Variants in NR6A1 observed in about 807,000 individuals in gnomAD.
The protein encoded by NR6A1 is retinoic acid receptor-related testis-associated receptor.
NR6A1 carries 7 observed loss-of-function variants against 59.1 expected under a neutral mutation model. The observed-to-expected ratio is 0.12, with a 90% CI of 0.07 to 0.22. The LOEUF is 0.22. Among genes scored for constraint, NR6A1 ranks in the 10% least tolerant of loss-of-function variants. The pLI, the probability that NR6A1 is intolerant of heterozygous loss-of-function variation, is 1.00. For synonymous variants in NR6A1, 243 were observed against 236.1 expected, an observed-to-expected ratio of 1.03 and a Z score of -0.27; for missense variants, 468 against 611.6, an observed-to-expected ratio of 0.77 and a Z score of 2.48.
At chr9:124,565,219 A>C (rs1013651196) in intron 2 of NR6A1, among the ~76,000 whole-genome samples, 2 of 152,018 alleles carry the variant, frequency 1.3e-5, no homozygotes, top group Non-Finnish European at 2.9e-5. Flanking sequence ...ATGAGGTCAG[A>C]AGATCAAGAC....
At chr9:124,714,459 C>A (rs1346273032) in intron 2 of NR6A1, among the ~76,000 whole-genome samples, 3 of 152,158 alleles carry the variant, frequency 2.0e-5, no homozygotes, top group African/African-American at 7.2e-5. Context: ...ATACTTGATA[C>A]TGAAATTGAA....
intron 2 of NR6A1, among the ~76,000 whole-genome samples, chr9:124,605,030 C>A (rs566002935): frequency 6.6e-6 from 1 of 152,156 alleles, no homozygotes; most frequent in Non-Finnish European, 1.5e-5. Context: ...CGCTGCTAAC[C>A]ATTACAAAAA....
intron 3 of NR6A1, among the ~76,000 whole-genome samples, chr9:124,551,580 G>C (rs1047969641): frequency 1.3e-5 from 2 of 152,066 alleles, no homozygotes; most frequent in Non-Finnish European, 2.9e-5. Flanking sequence ...TTTGTTTTTA[G>C]CCTTACAGTA....
chr9:124,710,499 A>G (rs1839246291), intron 2 of NR6A1, among the ~76,000 whole-genome samples: 2 of 152,172 alleles, frequency 1.3e-5, no homozygotes, highest in South Asian at 4.1e-4. Context: ...CATTGCAATG[A>G]GCCTCAGCCT....
chr9:124,591,734 C>G (rs997681849), intron 2 of NR6A1, among the ~76,000 whole-genome samples: 5 of 152,164 alleles, frequency 3.3e-5, no homozygotes, highest in Admixed American at 3.3e-4. Context: ...ACCTTTACAT[C>G]TATCAGGCTT....
At chr9:124,542,633 T>A (rs1833483331) in intron 4 of NR6A1, among the ~76,000 whole-genome samples, 1 of 152,238 alleles carries the variant, frequency 6.6e-6, no homozygotes, top group Non-Finnish European at 1.5e-5. Context: ...CCTGCTAGAA[T>A]GATCTTCCTA....
chr9:124,611,965 C>T (rs910030889), intron 2 of NR6A1, among the ~76,000 whole-genome samples: 1 of 152,040 alleles, frequency 6.6e-6, no homozygotes, highest in African/African-American at 2.4e-5. Flanking sequence ...GGGCAAAATA[C>T]AAGGTGTGCT....
At chr9:124,566,536 C>T (rs150128800) in intron 2 of NR6A1, among the ~76,000 whole-genome samples, 4 of 152,010 alleles carry the variant, frequency 2.6e-5, no homozygotes, top group African/African-American at 9.7e-5. Flanking sequence ...AGACATCTTA[C>T]GGAGGAATGG....
At chr9:124,673,506 G>T (rs1457752261) in intron 2 of NR6A1, among the ~76,000 whole-genome samples, 1 of 152,042 alleles carries the variant, frequency 6.6e-6, no homozygotes, top group Non-Finnish European at 1.5e-5. Context: ...CTCAACCTGG[G>T]TACGGTGGCA....
intron 2 of NR6A1, among the ~76,000 whole-genome samples, chr9:124,629,615 C>T (rs759150597): frequency 6.6e-6 from 1 of 152,182 alleles, no homozygotes; most frequent in African/African-American, 2.4e-5. Context: ...TTTCCCAGAG[C>T]GTGCAAGGTC....
intron 2 of NR6A1, chr9:124,693,853 C>T: frequency 2.0e-6 from 1 of 509,790 alleles, no homozygotes; most frequent in South Asian, 1.5e-5. Context: ...GCAGCTACTG[C>T]TGTGAGTGGG....
At chr9:124,703,830 ATT>A (rs34956391) in intron 2 of NR6A1, among the ~76,000 whole-genome samples, 57 of 148,830 alleles carry the variant, frequency 3.8e-4, no homozygotes, top group Non-Finnish European at 4.5e-4. Context: ...TGCTTCCTTG[ATT>A]TTTTTTTTTT....
chr9:124,531,480 G>C (rs1387651590), intron 7 of NR6A1, among the ~76,000 whole-genome samples: 2 of 152,212 alleles, frequency 1.3e-5, no homozygotes, highest in Non-Finnish European at 2.9e-5. Flanking sequence ...AAGAAGTAAA[G>C]GCCATCTGGG....
chr9:124,729,343 T>G (rs773836168), intron 2 of NR6A1, among the ~76,000 whole-genome samples: 3 of 152,252 alleles, frequency 2.0e-5, no homozygotes, highest in Non-Finnish European at 4.4e-5. Flanking sequence ...TATATTTTTA[T>G]ATTTGTAAAG....
At chr9:124,652,190 A>C (rs1019474321) in intron 2 of NR6A1, among the ~76,000 whole-genome samples, 4 of 152,196 alleles carry the variant, frequency 2.6e-5, no homozygotes, top group African/African-American at 7.2e-5. Flanking sequence ...AAGAGTAAAG[A>C]AGCAGCTCTA....
At chr9:124,537,611 T>TA (rs1833307982) in intron 6 of NR6A1, among the ~76,000 whole-genome samples, 1 of 152,060 alleles carries the variant, frequency 6.6e-6, no homozygotes, top group South Asian at 2.1e-4. Context: ...TAGAAGTGAC[T>TA]AAAGACTGAA....
chr9:124,765,099 T>C (rs1840892455), intron 1 of NR6A1, among the ~76,000 whole-genome samples: 1 of 152,228 alleles, frequency 6.6e-6, no homozygotes, highest in South Asian at 2.1e-4. Flanking sequence ...TTAAAGACAC[T>C]TTTTTAAAGT....
At chr9:124,626,603 G>A (rs1004827647) in intron 2 of NR6A1, among the ~76,000 whole-genome samples, 2 of 152,104 alleles carry the variant, frequency 1.3e-5, no homozygotes, top group African/African-American at 4.8e-5. Flanking sequence ...GTCACTTTTT[G>A]GCCTGCTGCC....
chr9:124,703,062 G>A (rs1336241279), intron 2 of NR6A1, among the ~76,000 whole-genome samples: 1 of 151,768 alleles, frequency 6.6e-6, no homozygotes, highest in South Asian at 2.1e-4. Context: ...ACACAAACAT[G>A]CCCAACTAAT....
Sources: allele counts gnomAD v4.1 joint callset (sites outside exome capture counted in the v4.1 genomes callset), GRCh38; gene constraint gnomAD v4.1.1; transcripts MANE v1.5; gene names NCBI Gene and HGNC (gene_info 2026-07-23, HGNC 2026-07-21).